Variants in CDC42BPA observed in about 807,000 individuals in gnomAD.
The protein encoded by CDC42BPA is serine/threonine-protein kinase MRCK alpha.
Under a neutral mutation model 223.5 loss-of-function variants are expected in CDC42BPA, and 80 were observed. That is an observed-to-expected ratio of 0.36 (90% CI 0.30 to 0.43). The LOEUF (loss-of-function observed/expected upper bound fraction) is 0.43. CDC42BPA is among the 20% of genes least tolerant of loss of function. CDC42BPA has a pLI of 1.00. For synonymous variants in CDC42BPA, 694 were observed against 718.6 expected, an observed-to-expected ratio of 0.97 and a Z score of 0.55; for missense variants, 1,743 against 2,099.9, an observed-to-expected ratio of 0.83 and a Z score of 3.32.
chr1:227,185,762 T>C (rs1572209859), intron 5 of CDC42BPA, among the ~76,000 whole-genome samples: 1 of 151,592 alleles, frequency 6.6e-6, no homozygotes, highest in African/African-American at 2.4e-5. Context: ...TCGTTTTTTT[T>C]CTAATTCAAC....
rs1419518581 is a variant in CDC42BPA at position 226,990,086 on chromosome 1, T to C, written c.*4182A>G. The C allele has an allele frequency of 1.3e-5, 2 of 152,440 alleles. No homozygotes were observed. The highest frequency in any genetic ancestry group is 2.9e-5 in the Non-Finnish European group (2 of 68,036). 9.4% of individuals were successfully genotyped at this position (152,440 alleles called of 1,614,324 possible). The stretch of plus-strand genomic sequence containing the variant: ...CCAAACAAAATAAAATAAGGAGTGA[T>C]AGGCTAAAGCAGTATCTTCCCCTCC... On this transcript the variant is annotated 3_prime_UTR_variant, in exon 37 of 37. Coordinates refer to ENST00000366766, the MANE Select transcript of CDC42BPA (RefSeq NM_001394014.1).
In CDC42BPA at chr1:227,035,561, G is replaced by A. The variant is rs544647737; in HGVS notation, c.3246C>T (p.Thr1082=). The stretch of plus-strand genomic sequence containing the variant: ...TCTGTTCAGGAGGAACTGGACAAGT[G>A]GTTGGAGCTTTGTTTACACAAGTTA... ...CHITCVNKAP[T]TCPVPPEQTK... Residue 1082 remains threonine (T), a synonymous_variant, in exon 25 of 37, where the codon ACC becomes ACT. Coordinates refer to ENST00000366766, the MANE Select transcript of CDC42BPA (RefSeq NM_001394014.1). 1.6e-5 allele frequency: 26 copies of A among 1,609,862 alleles called. No homozygotes were observed. The African/African-American group carries it at 3.2e-4, about 20-fold the overall frequency.
intron 6 of CDC42BPA, among the ~76,000 whole-genome samples, chr1:227,157,900 ATT>A (rs1254415604): frequency 6.7e-6 from 1 of 150,172 alleles, no homozygotes; most frequent in Non-Finnish European, 1.5e-5. Flanking sequence ...GAAATTCCTT[ATT>A]TGTGTAATCT....
intron 3 of CDC42BPA, among the ~76,000 whole-genome samples, chr1:227,211,851 G>C (rs905292948): frequency 1.3e-5 from 2 of 151,936 alleles, no homozygotes; most frequent in African/African-American, 4.8e-5. Context: ...CACTAGATGG[G>C]TATTTCACCA....
At chr1:227,182,315 T>C (rs1668081595) in intron 5 of CDC42BPA, among the ~76,000 whole-genome samples, 1 of 152,190 alleles carries the variant, frequency 6.6e-6, no homozygotes, top group Non-Finnish European at 1.5e-5. Flanking sequence ...GAAAAATCAC[T>C]TCCTTGTAGG....
At chr1:227,173,281 T>C (rs1666402738) in intron 5 of CDC42BPA, among the ~76,000 whole-genome samples, 2 of 152,178 alleles carry the variant, frequency 1.3e-5, no homozygotes, top group African/African-American at 2.4e-5. Context: ...ATAGGAAAGC[T>C]TGCCTAAAGA....
intron 1 of CDC42BPA, among the ~76,000 whole-genome samples, chr1:227,292,192 G>T (rs1299652011): frequency 3.3e-5 from 5 of 151,992 alleles, no homozygotes; most frequent in Non-Finnish European, 7.4e-5. Flanking sequence ...CATATTGGCC[G>T]GGCTGGTCTC....
At chr1:227,312,987 T>C (rs1420333234) in intron 1 of CDC42BPA, among the ~76,000 whole-genome samples, 1 of 152,136 alleles carries the variant, frequency 6.6e-6, no homozygotes, top group African/African-American at 2.4e-5. Context: ...TGTGAGCCAA[T>C]CAAACCTCTT....
chr1:227,016,299 A>G (rs1666232414), intron 33 of CDC42BPA, 102 bp from the exon 34 acceptor site: 2 of 711,850 alleles, frequency 2.8e-6, no homozygotes, highest in Non-Finnish European at 5.0e-6. Flanking sequence ...ACAACTGTTA[A>G]ATCACATTAA....
intron 5 of CDC42BPA, among the ~76,000 whole-genome samples, chr1:227,186,423 G>A (rs1359447241): frequency 6.6e-6 from 1 of 152,126 alleles, no homozygotes; most frequent in Non-Finnish European, 1.5e-5. Context: ...ACCTGCTGGG[G>A]TATTATCAGA....
chr1:227,206,378 C>T (rs1672724891), intron 3 of CDC42BPA, among the ~76,000 whole-genome samples: 2 of 151,970 alleles, frequency 1.3e-5, no homozygotes, highest in Non-Finnish European at 2.9e-5. Flanking sequence ...ACCTTTCTGC[C>T]CAGGTATAGA....
At chr1:227,186,706 C>A (rs773614086) in intron 5 of CDC42BPA, among the ~76,000 whole-genome samples, 4 of 152,108 alleles carry the variant, frequency 2.6e-5, no homozygotes, top group Non-Finnish European at 5.9e-5. Context: ...ATTCCTTTTG[C>A]CCAATACATT....
intron 2 of CDC42BPA, among the ~76,000 whole-genome samples, chr1:227,248,515 T>C (rs1681400863): frequency 6.6e-6 from 1 of 152,178 alleles, no homozygotes; most frequent in Non-Finnish European, 1.5e-5. Flanking sequence ...CCATTTACAA[T>C]AGCCACAAAT....
intron 34 of CDC42BPA, among the ~76,000 whole-genome samples, chr1:227,006,039 A>C (rs2148377503): frequency 6.6e-6 from 1 of 152,346 alleles, no homozygotes; most frequent in Admixed American, 6.5e-5. Context: ...AAATATTTTA[A>C]TATTCTTTAT....
At position 227,119,852 on chromosome 1, in the gene CDC42BPA, A is replaced by G. The variant is rs1250730594; in HGVS notation, c.1599T>C (p.Tyr533=). 1.9e-6 allele frequency: 3 copies of G among 1,600,346 alleles called. No individual in the cohort carries two copies. The highest frequency in any genetic ancestry group is 4.5e-5 in the East Asian group (2 of 44,494). The change falls in exon 12 of 37, where the codon TAT becomes TAC. Residue 533 remains tyrosine (Y), a synonymous_variant. Transcript: ENST00000366766. ...GTTGTAACGTTTTGATTTGTTTTTCATAAGCCTTGATTTGTCTAAAAGCAT... is the reference window on the plus strand; with the variant it reads ...GTTGTAACGTTTTGATTTGTTTTTCGTAAGCCTTGATTTGTCTAAAAGCAT... ...LDDAFRQIKA[Y]EKQIKTLQQE...
chr1:227,315,066 T>G (rs1057386120), intron 1 of CDC42BPA, among the ~76,000 whole-genome samples: 7 of 152,144 alleles, frequency 4.6e-5, no homozygotes, highest in Middle Eastern at 3.4e-3. Context: ...ACTGGCACTC[T>G]TAACCTAAAT....
rs545431777 is a variant in CDC42BPA at position 227,216,869 on chromosome 1, CATG to C, written c.271-3653_271-3651del. On this transcript the variant is annotated intron_variant, in intron 2 of 36. Coordinates refer to ENST00000366766, the MANE Select transcript of CDC42BPA (RefSeq NM_001394014.1). ...GTCTTGAAAGACTTCATAGTAAAAA[CATG>C]ATGTTAGAAAACCTGTAATAATAAT... 1.6e-3 allele frequency among the ~76,000 whole-genome samples: 238 copies of C among 152,226 alleles called. 2 individuals are homozygous for C. Among genetic ancestry groups the C allele is most frequent in the Non-Finnish European group, 1.7e-3 (116 of 68,006 alleles).
intron 2 of CDC42BPA, among the ~76,000 whole-genome samples, chr1:227,253,181 AAG>A (rs954166760): frequency 5.3e-5 from 8 of 151,352 alleles, no homozygotes; most frequent in Admixed American, 6.6e-5. Context: ...TCCTGGAAAA[AAG>A]AGAGAGAGAG....
chr1:227,165,615 A>G (rs926532924), intron 5 of CDC42BPA, among the ~76,000 whole-genome samples: 2 of 152,190 alleles, frequency 1.3e-5, no homozygotes, highest in African/African-American at 4.8e-5. Flanking sequence ...AGAAGATCAA[A>G]AATAGTGATA....
Sources: allele counts gnomAD v4.1 joint callset (sites outside exome capture counted in the v4.1 genomes callset), GRCh38; gene constraint gnomAD v4.1.1; transcripts MANE v1.5; gene names NCBI Gene and HGNC (gene_info 2026-07-23, HGNC 2026-07-21).